Variants in RBFOX1 observed in about 807,000 individuals in gnomAD.
The protein encoded by RBFOX1 is RNA binding protein fox-1 homolog 1.
A neutral mutation model predicts 57.7 loss-of-function variants in RBFOX1; 8 were observed. The ratio of observed to expected loss-of-function variants is 0.14; its 90% CI spans 0.08 to 0.25. The LOEUF is 0.25. Among genes scored for constraint, RBFOX1 ranks in the 10% least tolerant of loss-of-function variants. The probability of loss-of-function intolerance (pLI) is 1.00; values close to 1 mark genes in which losing one functional copy is unlikely to be tolerated. For missense variants in RBFOX1, 611 were observed against 548.5 expected (o/e 1.11, Z -1.14); for synonymous variants, 326 against 222.4 (o/e 1.47, Z -4.15).
At chr16:6,859,611 C>T (rs1396685663) in intron 3 of RBFOX1, among the ~76,000 whole-genome samples, 1 of 151,974 alleles carries the variant, frequency 6.6e-6, no homozygotes, top group Non-Finnish European at 1.5e-5. Flanking sequence ...GATCTTCCTG[C>T]CGCCTCTCTG....
At chr16:6,748,557 G>C (rs1051868808) in intron 3 of RBFOX1, among the ~76,000 whole-genome samples, 46 of 152,212 alleles carry the variant, frequency 3.0e-4, no homozygotes, top group African/African-American at 1.0e-3. Context: ...TCCCAGCTTG[G>C]GAGGCTGAAG....
At chr16:7,024,780 C>G (rs1423115089) in intron 3 of RBFOX1, among the ~76,000 whole-genome samples, 1 of 152,206 alleles carries the variant, frequency 6.6e-6, no homozygotes, top group Non-Finnish European at 1.5e-5. Flanking sequence ...GAGTTCAGAG[C>G]CATTCCCTGC....
intron 1 of RBFOX1, among the ~76,000 whole-genome samples, chr16:6,034,196 G>A (rs2095330516): frequency 1.3e-5 from 2 of 151,642 alleles, no homozygotes; most frequent in African/African-American, 2.4e-5. Flanking sequence ...TTAGCTGGGG[G>A]TGGTGGTGGG....
intron 4 of RBFOX1, among the ~76,000 whole-genome samples, chr16:5,874,922 G>C (rs147626956): frequency 6.6e-6 from 1 of 152,126 alleles, no homozygotes; most frequent in African/African-American, 2.4e-5. Context: ...CCCCTGTCTT[G>C]GTGACAGAGC....
chr16:5,856,908 G>T (rs191243102), intron 3 of RBFOX1, among the ~76,000 whole-genome samples: 1 of 151,932 alleles, frequency 6.6e-6, no homozygotes, highest in African/African-American at 2.4e-5. Flanking sequence ...TATCATTCCT[G>T]TGTTCACTGG....
intron 2 of RBFOX1, among the ~76,000 whole-genome samples, chr16:6,433,864 T>G (rs2094164088): frequency 7.9e-6 from 1 of 126,564 alleles, no homozygotes; most frequent in Non-Finnish European, 1.7e-5. Context: ...TTTTTTTTTT[T>G]GAGATGGGGG....
chr16:6,558,960 T>G (rs76376434), intron 2 of RBFOX1, among the ~76,000 whole-genome samples: 2 of 152,118 alleles, frequency 1.3e-5, no homozygotes, highest in East Asian at 3.9e-4. Flanking sequence ...ACTTCTCCTT[T>G]CACTCTCTAC....
intron 4 of RBFOX1, among the ~76,000 whole-genome samples, chr16:7,096,182 A>T (rs1176965700): frequency 2.6e-5 from 4 of 152,206 alleles, no homozygotes; most frequent in African/African-American, 7.2e-5. Context: ...CACAATAACA[A>T]AACTGGTAAC....
At chr16:5,793,159 C>G (rs1375036965) in intron 3 of RBFOX1, among the ~76,000 whole-genome samples, 1 of 152,166 alleles carries the variant, frequency 6.6e-6, no homozygotes, top group African/African-American at 2.4e-5. Flanking sequence ...TGGCTGGTCT[C>G]ACTTTTCTCT....
chr16:5,945,972 T>C (rs1027312255), intron 4 of RBFOX1, among the ~76,000 whole-genome samples: 5 of 152,212 alleles, frequency 3.3e-5, no homozygotes, highest in African/African-American at 1.2e-4. Context: ...GCTCTGAGTC[T>C]AGTACCAGGG....
chr16:5,999,168 T>C (rs1052997816), intron 4 of RBFOX1, among the ~76,000 whole-genome samples: 1 of 152,174 alleles, frequency 6.6e-6, no homozygotes, highest in Admixed American at 6.5e-5. Context: ...CTCCTTAGAA[T>C]GCATGCCCAG....
At chr16:6,115,315 A>G (rs1247472943) in intron 1 of RBFOX1, among the ~76,000 whole-genome samples, 1 of 152,224 alleles carries the variant, frequency 6.6e-6, no homozygotes, top group African/African-American at 2.4e-5. Context: ...CTTAGAATGT[A>G]ACAAGTACAA....
At chr16:6,502,354 C>A (rs531615821) in intron 2 of RBFOX1, among the ~76,000 whole-genome samples, 2 of 152,094 alleles carry the variant, frequency 1.3e-5, no homozygotes, top group Non-Finnish European at 2.9e-5. Context: ...CTAGGAAAAT[C>A]CCAAGAAGAG....
intron 3 of RBFOX1, among the ~76,000 whole-genome samples, chr16:5,827,928 C>CCCACCCAT (rs2056129017): frequency 7.7e-6 from 1 of 129,276 alleles, no homozygotes; most frequent in South Asian, 2.6e-4. Context: ...CACCCATCCA[C>CCCACCCAT]CCACCCATCC....
At chr16:5,933,556 A>T (rs1028380231) in intron 4 of RBFOX1, among the ~76,000 whole-genome samples, 1 of 152,186 alleles carries the variant, frequency 6.6e-6, no homozygotes, top group African/African-American at 2.4e-5. Flanking sequence ...AGGAACAATC[A>T]CACAGAAAAA....
chr16:7,347,927 C>T (rs1475859360), intron 4 of RBFOX1, among the ~76,000 whole-genome samples: 2 of 152,164 alleles, frequency 1.3e-5, no homozygotes, highest in Non-Finnish European at 2.9e-5. Flanking sequence ...CTGTGGCTGA[C>T]ACTCATTCAT....
intron 1 of RBFOX1, among the ~76,000 whole-genome samples, chr16:6,193,399 T>TATATATA (rs1567651264): frequency 1.3e-4 from 5 of 39,176 alleles, no homozygotes; most frequent in African/African-American, 4.3e-4. Flanking sequence ...ATACTATATA[T>TATATATA]ATATATATAT....
intron 4 of RBFOX1, among the ~76,000 whole-genome samples, chr16:7,473,001 T>A (rs2061852379): frequency 6.8e-6 from 1 of 146,478 alleles, no homozygotes; most frequent in Non-Finnish European, 1.5e-5. Flanking sequence ...TCTCCATTCC[T>A]CTCAACCTCA....
chr16:7,463,840 G>T (rs538284208), intron 4 of RBFOX1, among the ~76,000 whole-genome samples: 1 of 152,320 alleles, frequency 6.6e-6, no homozygotes, highest in Non-Finnish European at 1.5e-5. Flanking sequence ...CAGCCACTGA[G>T]ATAGATACTT....
Sources: allele counts gnomAD v4.1 joint callset (sites outside exome capture counted in the v4.1 genomes callset), GRCh38; gene constraint gnomAD v4.1.1; transcripts MANE v1.5; gene names NCBI Gene and HGNC (gene_info 2026-07-23, HGNC 2026-07-21).